Variants in EPHA6 observed in about 807,000 individuals in gnomAD.
The protein encoded by EPHA6 is ephrin type-A receptor 6.
EPHA6 carries 50 observed loss-of-function variants against 112.0 expected under a neutral mutation model. The ratio of observed to expected loss-of-function variants is 0.45; its 90% CI spans 0.36 to 0.56. The LOEUF is 0.56. Among genes scored for constraint, EPHA6 ranks in the 20% least tolerant of loss-of-function variants. EPHA6 has a pLI of 0.00. For missense variants in EPHA6, 1,280 were observed against 1,417.4 expected (o/e 0.90, Z 1.56); for synonymous variants, 529 against 490.7 (o/e 1.08, Z -1.03).
intron 7 of EPHA6, among the ~76,000 whole-genome samples, chr3:97,455,161 T>C (rs2090641461): frequency 6.6e-6 from 1 of 152,006 alleles, no homozygotes; most frequent in Admixed American, 6.6e-5. Flanking sequence ...CTGTTTAGCA[T>C]GTGGTAAAAG....
chr3:97,005,792 T>C (rs2043855562), intron 3 of EPHA6, among the ~76,000 whole-genome samples: 1 of 152,230 alleles, frequency 6.6e-6, no homozygotes, highest in Admixed American at 6.5e-5. Flanking sequence ...ATGTGTGCCA[T>C]CAATACCTAG....
intron 3 of EPHA6, among the ~76,000 whole-genome samples, chr3:97,098,686 A>G (rs2047317059): frequency 1.3e-5 from 2 of 152,012 alleles, no homozygotes; most frequent in South Asian, 4.2e-4. Flanking sequence ...AAGTGGAAAA[A>G]GGTAACACTT....
chr3:97,237,301 C>T (rs1210295692), intron 4 of EPHA6, among the ~76,000 whole-genome samples: 1 of 151,852 alleles, frequency 6.6e-6, no homozygotes, highest in Non-Finnish European at 1.5e-5. Context: ...ATAACCCTTA[C>T]ACTACTGAAT....
At chr3:97,042,110 G>A (rs2045337784) in intron 3 of EPHA6, among the ~76,000 whole-genome samples, 2 of 152,134 alleles carry the variant, frequency 1.3e-5, no homozygotes, top group South Asian at 4.2e-4. Flanking sequence ...ATTTGTCTCC[G>A]CCCAAATCTT....
chr3:96,826,533 C>T (rs1255318330), intron 1 of EPHA6, among the ~76,000 whole-genome samples: 4 of 152,042 alleles, frequency 2.6e-5, no homozygotes, highest in Non-Finnish European at 5.9e-5. Context: ...TGCAGTTTCT[C>T]TCAACTTCTG....
intron 1 of EPHA6, among the ~76,000 whole-genome samples, chr3:96,818,418 T>C (rs2032979010): frequency 6.6e-6 from 1 of 152,034 alleles, no homozygotes; most frequent in South Asian, 2.1e-4. Context: ...TCTAGTGAAC[T>C]TATTTTATTA....
At chr3:97,546,879 C>G (rs559793632) in intron 11 of EPHA6, among the ~76,000 whole-genome samples, 3 of 152,344 alleles carry the variant, frequency 2.0e-5, no homozygotes, top group African/African-American at 4.8e-5. Context: ...CATCTGCATT[C>G]GTCACGTAGC....
intron 14 of EPHA6, among the ~76,000 whole-genome samples, chr3:97,656,637 G>A (rs2094139482): frequency 1.3e-5 from 2 of 151,602 alleles, no homozygotes; most frequent in South Asian, 4.2e-4. Flanking sequence ...ATTGGTCTGT[G>A]CTAGCTACTT....
chr3:96,881,692 A>G (rs1327027000), intron 2 of EPHA6, among the ~76,000 whole-genome samples: 1 of 152,228 alleles, frequency 6.6e-6, no homozygotes, highest in Non-Finnish European at 1.5e-5. Context: ...CATTAACTCA[A>G]AAGTGCAGAG....
chr3:97,437,166 C>G (rs1016216944), intron 6 of EPHA6, among the ~76,000 whole-genome samples: 9 of 151,936 alleles, frequency 5.9e-5, no homozygotes, highest in Non-Finnish European at 1.2e-4. Context: ...TTGGGCAACC[C>G]TGGTATACAA....
intron 1 of EPHA6, among the ~76,000 whole-genome samples, chr3:96,863,082 ATTT>A (rs558136373): frequency 6.6e-6 from 1 of 151,592 alleles, no homozygotes; most frequent in Non-Finnish European, 1.5e-5. Flanking sequence ...CCCCCAGGCT[ATTT>A]TTTTTGTTTT....
At chr3:96,947,163 G>T (rs529175524) in intron 2 of EPHA6, among the ~76,000 whole-genome samples, 57 of 151,986 alleles carry the variant, frequency 3.8e-4, no homozygotes, top group Non-Finnish European at 1.9e-4. Context: ...TTCTTTTGCT[G>T]TGCAGAACCT....
chr3:97,203,244 A>AAAGAG (rs1405705633), intron 3 of EPHA6, among the ~76,000 whole-genome samples: 1 of 152,136 alleles, frequency 6.6e-6, no homozygotes. Context: ...GCAAAAGTAG[A>AAAGAG]AAGAGTCATT....
intron 10 of EPHA6, among the ~76,000 whole-genome samples, chr3:97,531,335 A>G (rs974156329): frequency 6.6e-6 from 1 of 151,968 alleles, no homozygotes; most frequent in Non-Finnish European, 1.5e-5. Context: ...AAAACCCATT[A>G]CCTTTTATCC....
intron 14 of EPHA6, among the ~76,000 whole-genome samples, chr3:97,696,751 T>G (rs1325120786): frequency 6.6e-6 from 1 of 152,138 alleles, no homozygotes; most frequent in Non-Finnish European, 1.5e-5. Context: ...TGTGTTAACT[T>G]ATTAAACTTC....
At chr3:97,481,616 C>G (rs1286773919) in intron 9 of EPHA6, 1 of 481,226 alleles carries the variant, frequency 2.1e-6, no homozygotes, top group South Asian at 1.9e-5. Context: ...GCAGCTGTTG[C>G]GCCCTCCCTA....
chr3:96,952,753 T>A (rs974050213), intron 2 of EPHA6, among the ~76,000 whole-genome samples: 3 of 152,158 alleles, frequency 2.0e-5, no homozygotes, highest in Non-Finnish European at 4.4e-5. Flanking sequence ...GATAGTTTCT[T>A]TTGACGGGAA....
At chr3:97,006,629 A>T (rs2043891770) in intron 3 of EPHA6, among the ~76,000 whole-genome samples, 2 of 150,822 alleles carry the variant, frequency 1.3e-5, no homozygotes, top group Admixed American at 6.6e-5. Flanking sequence ...GGTCTTAGTT[A>T]TTTCTTGTCT....
intron 2 of EPHA6, among the ~76,000 whole-genome samples, chr3:96,931,876 C>T (rs1312392176): frequency 1.3e-5 from 2 of 152,156 alleles, no homozygotes; most frequent in African/African-American, 4.8e-5. Flanking sequence ...CAGAGTTGCA[C>T]ACACCCTTGT....
Sources: gnomAD v4.1 joint callset for allele counts (sites outside exome capture counted in the v4.1 genomes callset) on GRCh38, gnomAD v4.1.1 for gene constraint, MANE v1.5 for transcripts, NCBI Gene and HGNC (gene_info 2026-07-23, HGNC 2026-07-21) for gene names.